Variants in PES1 observed in about 807,000 individuals in gnomAD.
PES1 encodes the protein pescadillo ribosomal biogenesis factor 1.
In PES1, 31 loss-of-function variants were observed where a neutral mutation model predicts 77.1. The ratio of observed to expected loss-of-function variants is 0.40; its 90% CI spans 0.30 to 0.54. The LOEUF (loss-of-function observed/expected upper bound fraction) is 0.54, where lower values mean the gene tolerates loss of function less well. Ranked by LOEUF, PES1 falls within the 20% of genes least tolerant of loss-of-function variation. PES1 has a pLI of 0.45. For synonymous variants in PES1, 282 were observed against 303.0 expected (o/e 0.93, Z 0.72); for missense variants, 658 against 771.7 (o/e 0.85, Z 1.75).
chr22:30,583,024 C>T (rs1396371618), intron 6 of PES1, among the ~76,000 whole-genome samples: 1 of 152,184 alleles, frequency 6.6e-6, no homozygotes, highest in African/African-American at 2.4e-5. Flanking sequence ...TGGCTGGCTC[C>T]CTTCCCCCAG....
chr22:30,586,523 G>T (rs557486191), intron 4 of PES1, among the ~76,000 whole-genome samples: 1 of 152,248 alleles, frequency 6.6e-6, no homozygotes, highest in East Asian at 1.9e-4. Flanking sequence ...TCTATGTTGT[G>T]GGGGACTACT....
chr22:30,597,877 G>GTTTTTTTTTTTTTTTTTTTT (rs869064352), intron 2 of PES1, among the ~76,000 whole-genome samples: 1 of 90,576 alleles, frequency 1.1e-5, no homozygotes, highest in Admixed American at 1.1e-4. Context: ...CGCAGTTGAA[G>GTTTTTTTTTTTTTTTTTTTT]TTTTGTTTTT....
intron 8 of PES1, 81 bp downstream of exon 8, chr22:30,581,253 T>C (rs1408065410): frequency 6.6e-6 from 10 of 1,506,964 alleles, no homozygotes; most frequent in Non-Finnish European, 9.2e-6. Context: ...CCACCCCCAC[T>C]CTGAACCAGA....
chr22:30,597,994 C>T (rs1433583256), intron 2 of PES1, among the ~76,000 whole-genome samples: 1 of 151,162 alleles, frequency 6.6e-6, no homozygotes, highest in Non-Finnish European at 1.5e-5. Flanking sequence ...CGCCATTCTC[C>T]TGCCTCAGCC....
intron 2 of PES1, among the ~76,000 whole-genome samples, chr22:30,599,239 T>C (rs941668093): frequency 1.1e-4 from 17 of 152,252 alleles, no homozygotes; most frequent in Non-Finnish European, 4.4e-5. Flanking sequence ...TTTTAAAAGT[T>C]ATTGGTAAAA....
At chr22:30,600,489 C>T (rs965142871) in intron 2 of PES1, among the ~76,000 whole-genome samples, 7 of 151,694 alleles carry the variant, frequency 4.6e-5, no homozygotes, top group Non-Finnish European at 1.0e-4. Flanking sequence ...TCGAGACCAG[C>T]CTGGGCAAAA....
chr22:30,584,318 G>C (rs1449445530), intron 6 of PES1, 47 bp downstream of exon 6: 1 of 1,397,878 alleles, frequency 7.2e-7, no homozygotes, highest in Admixed American at 1.9e-5. Flanking sequence ...ATCCATATCT[G>C]TCTAGGAGGC....
chr22:30,593,370 C>T (rs548530042), upstream of PES1, among the ~76,000 whole-genome samples: 2 of 152,140 alleles, frequency 1.3e-5, no homozygotes, highest in South Asian at 4.1e-4. Context: ...ACCTGTAACC[C>T]CAGCTAGTTG....
chr22:30,578,774 G>C, intron 14 of PES1, 63 bp downstream of exon 14: 1 of 1,557,604 alleles, frequency 6.4e-7, no homozygotes, highest in Admixed American at 1.7e-5. Flanking sequence ...AGCCACATAA[G>C]TTCACCTGTG....
At chr22:30,606,936 G>C (rs939735134) in exon 1 of PES1, 4 of 1,049,078 alleles carry the variant, frequency 3.8e-6, no homozygotes, top group Non-Finnish European at 4.7e-6. Flanking sequence ...GGAACAGCTG[G>C]GGGGACAGCA....
chr22:30,604,209 C>G (rs1465503521), intron 2 of PES1: 1 of 152,178 alleles, frequency 6.6e-6, no homozygotes, highest in Non-Finnish European at 1.5e-5. Flanking sequence ...GTGGGATGTT[C>G]TGTTCTTACT....
At chr22:30,587,478 CAGA>C (rs1406512352) in intron 3 of PES1, 83 bp from the exon 4 acceptor site, 5 of 1,021,944 alleles carry the variant, frequency 4.9e-6, no homozygotes, top group African/African-American at 4.7e-5. Context: ...AAACGCAGGG[CAGA>C]AGGACTCTCA....
intron 2 of PES1, among the ~76,000 whole-genome samples, chr22:30,598,885 A>ATGTTTTTT (rs2087308579): frequency 2.0e-5 from 1 of 51,190 alleles, no homozygotes; most frequent in African/African-American, 7.8e-5. Flanking sequence ...CTTAAGTAAA[A>ATGTTTTTT]TTTTTTTTTT....
chr22:30,584,706 A>T lies in PES1; in HGVS notation c.380T>A (p.Phe127Tyr). ...DHIIKERYPT[F>Y]IDALRDLDDA... ...GTCCAGGTCCCGCAGGGCATCGATG[A>T]ACGTGGGATACCTGCATGGCCAGTG... is the stretch of plus-strand genomic sequence containing the variant. Residue 127 changes from phenylalanine to tyrosine, a missense_variant, in exon 5 of 15, where the codon TTC (phenylalanine) becomes TAC (tyrosine). By Grantham distance (22) the Phe-to-Tyr change is conservative (BLOSUM62 3). Transcript: ENST00000354694. 6.2e-7 allele frequency: 1 copy of T among 1,613,666 alleles called. No individual in the cohort carries two copies. The highest frequency in any genetic ancestry group is 8.5e-7 in the Non-Finnish European group (1 of 1,180,004).
chr22:30,580,599 G>A lies in PES1; in HGVS notation c.1015C>T (p.Pro339Ser). Residue 339 changes from proline to serine, a missense_variant, in exon 10 of 15, where the codon CCC becomes TCC. Physicochemically the swap from Pro to Ser is moderately conservative, Grantham distance 74. Coordinates refer to ENST00000354694, the MANE Select transcript of PES1 (RefSeq NM_014303.4). Reference sequence around the variant, plus strand: ...ATGATGAAGGCCAGGGCCTCACGGGGCACCTCTCGGTTCAGGAAGAACTTC... The same window carrying A: ...ATGATGAAGGCCAGGGCCTCACGGGACACCTCTCGGTTCAGGAAGAACTTC... ...GLKFFLNREVPREALAFIIRS... is the reference protein window; with the variant it reads ...GLKFFLNREVSREALAFIIRS... 2 of 1,613,782 alleles carry A rather than the reference G, an allele frequency of 1.2e-6. No individual in the cohort carries two copies. Among genetic ancestry groups the A allele is most frequent in the Non-Finnish European group, 1.7e-6 (2 of 1,179,998 alleles).
intron 2 of PES1, chr22:30,598,362 A>G (rs888394088): frequency 6.4e-5 from 10 of 155,672 alleles, no homozygotes; most frequent in African/African-American, 2.2e-4. Context: ...TTCATTCTTG[A>G]AGTCAGTGAG....
At position 30,587,488 on chromosome 22, in the gene PES1, C is replaced by G. The variant is rs946223741; in HGVS notation, c.259-93G>C. The G allele has an allele frequency of 1.3e-5, 12 of 914,134 alleles. No individual in the cohort carries two copies. In the East Asian group the frequency reaches 2.7e-4, roughly 21 times the overall value. The allele number at this position is 914,134 out of a possible 1,614,324, so 56.6% of individuals were successfully genotyped here. A position where few individuals can be genotyped will look rare whatever the true frequency, so the allele number is the denominator to read the frequency against. On this transcript the variant is annotated intron_variant, in intron 3 of 14. Coordinates refer to ENST00000354694, the MANE Select transcript of PES1 (RefSeq NM_014303.4). The stretch of plus-strand genomic sequence containing the variant: ...GATGGAAACGCAGGGCAGAAGGACT[C>G]TCATGCCTCCTGAAGCTGGCCACGG...
At chr22:30,602,107 G>T (rs1434132134) in intron 2 of PES1, among the ~76,000 whole-genome samples, 1 of 151,552 alleles carries the variant, frequency 6.6e-6, no homozygotes, top group Non-Finnish European at 1.5e-5. Context: ...ATGTGGTTTG[G>T]CTCTGTGTCC....
intron 2 of PES1, chr22:30,605,415 T>C (rs183253361): frequency 6.1e-4 from 601 of 982,302 alleles, no homozygotes; most frequent in Non-Finnish European, 7.0e-4. Flanking sequence ...CCTAACTACC[T>C]TGGGGATCAG....
Sources: gnomAD v4.1 joint callset for allele counts (sites outside exome capture counted in the v4.1 genomes callset) on GRCh38, gnomAD v4.1.1 for gene constraint, MANE v1.5 for transcripts, NCBI Gene and HGNC (gene_info 2026-07-23, HGNC 2026-07-21) for gene names.